EP300: variants seen among roughly 807,000 people sequenced by gnomAD.
EP300 encodes histone acetyltransferase p300.
A neutral mutation model predicts 264.0 loss-of-function variants in EP300; 31 were observed. That is an observed-to-expected ratio of 0.12 (90% CI 0.09 to 0.16). EP300 has a LOEUF of 0.16. Ranked by LOEUF, EP300 falls within the 10% of genes least tolerant of loss-of-function variation. The pLI, the probability that EP300 is intolerant of heterozygous loss-of-function variation, is 1.00. For synonymous variants in EP300, 1,340 were observed against 1,045.4 expected, an observed-to-expected ratio of 1.28 and a Z score of -5.44; for missense variants, 2,766 against 3,052.9, an observed-to-expected ratio of 0.91 and a Z score of 2.21.
chr22:41,116,059 AT>A (rs2145694963), intron 1 of EP300, among the ~76,000 whole-genome samples: 1 of 152,306 alleles, frequency 6.6e-6, no homozygotes, highest in Non-Finnish European at 1.5e-5. Context: ...GAACTTGGGA[AT>A]ATTAATACAG....
rs561569141 is a variant in EP300, at chr22:41,179,288, AT to A, written c.*340del. Reference sequence around the variant, plus strand: ...CCTTGCACCTCCAATAGGTTTTATTATTTTTTTTAAATTAATGAACATATGT... The same window carrying A: ...CCTTGCACCTCCAATAGGTTTTATTATTTTTTTAAATTAATGAACATATGT... On this transcript the variant is annotated 3_prime_UTR_variant, in exon 31 of 31. Coordinates refer to ENST00000263253, the MANE Select transcript of EP300 (RefSeq NM_001429.4). 21 of 301,058 alleles carry A rather than the reference AT, an allele frequency of 7.0e-5. No homozygotes were observed. Among genetic ancestry groups the A allele is most frequent in the East Asian group, 1.5e-4 (3 of 20,080 alleles). 18.6% of individuals were successfully genotyped at this position (301,058 alleles called of 1,614,324 possible).
chr22:41,156,139 G>A (rs1016924736), intron 17 of EP300, among the ~76,000 whole-genome samples: 1 of 151,838 alleles, frequency 6.6e-6, no homozygotes, highest in African/African-American at 2.4e-5. Flanking sequence ...TCAGCCTCCC[G>A]AGTAGCTGGG....
intron 7 of EP300, among the ~76,000 whole-genome samples, chr22:41,136,425 A>G (rs533052552): frequency 2.0e-5 from 3 of 152,238 alleles, no homozygotes; most frequent in African/African-American, 4.8e-5. Context: ...TTACAGCTCC[A>G]TAATAGCCTT....
intron 26 of EP300, 68 bp from the exon 27 acceptor site, chr22:41,170,338 G>A (rs2145766155): frequency 6.7e-7 from 1 of 1,484,150 alleles, no homozygotes; most frequent in Non-Finnish European, 9.4e-7. Context: ...CCAACTTGTG[G>A]TTTAAAATGT....
rs763502729 is a variant in EP300 at position 41,163,434 on chromosome 22, C to CAA, written c.3729-599_3729-598dup. Among the ~76,000 whole-genome samples the CAA allele has an allele frequency of 4.1e-3, 186 of 44,962 alleles. 1 individual carries two copies. Among genetic ancestry groups the CAA allele is most frequent in the East Asian group, 0.02 (38 of 1,944 alleles). 29.5% of individuals were successfully genotyped at this position (44,962 alleles called of 152,430 possible). A position where few individuals can be genotyped will look rare whatever the true frequency, so the allele number is the denominator to read the frequency against. On this transcript the variant is annotated intron_variant, in intron 21 of 30. Coordinates refer to ENST00000263253, the MANE Select transcript of EP300 (RefSeq NM_001429.4). ...TGGGCGACAGAGCGAGACTCCGTCT[C>CAA]AAAAAAAAAAAAAAAAAAAAATTAG...
intron 1 of EP300, among the ~76,000 whole-genome samples, chr22:41,107,003 T>C (rs1302707159): frequency 1.3e-5 from 2 of 152,056 alleles, no homozygotes; most frequent in Admixed American, 1.3e-4. Flanking sequence ...GCCTCCAAGG[T>C]TCGGGTGATT....
At position 41,140,147 on chromosome 22, in the gene EP300, G is replaced by A; in HGVS notation, c.1768G>A (p.Ala590Thr). Residue 590 changes from alanine (A) to threonine (T), a missense_variant, in exon 9 of 31, where the codon GCC becomes ACC. By Grantham distance (58) the Ala-to-Thr change is moderately conservative. Coordinates refer to ENST00000263253, the MANE Select transcript of EP300 (RefSeq NM_001429.4). ...AGGATTTTCTTTTTCCAGCGTCCAA[G>A]CCATATTTCCTACGCCGGATCCTGC... is the stretch of plus-strand genomic sequence containing the variant. ...RNHLVHKLVQ[A>T]IFPTPDPAAL... 6.2e-7 allele frequency: 1 copy of A among 1,613,086 alleles called. No homozygotes were observed. Among genetic ancestry groups the A allele is most frequent in the Non-Finnish European group, 8.5e-7 (1 of 1,179,070 alleles).
intron 25 of EP300, 120 bp downstream of exon 25, chr22:41,168,987 CAA>C: frequency 7.2e-7 from 1 of 1,389,092 alleles, no homozygotes; most frequent in Non-Finnish European, 1.0e-6. Context: ...TGCAAAATCT[CAA>C]GTGTCCAGTA....
chr22:41,122,272 T>G (rs1306358511), intron 2 of EP300, among the ~76,000 whole-genome samples: 3 of 151,510 alleles, frequency 2.0e-5, no homozygotes, highest in Non-Finnish European at 4.4e-5. Flanking sequence ...TTTAAGTGAT[T>G]CTCCTGCCTC....
intron 2 of EP300, among the ~76,000 whole-genome samples, chr22:41,119,172 A>AT (rs796885809): frequency 0.22 from 23,323 of 106,442 alleles, 3,637 homozygotes; most frequent in Non-Finnish European, 0.26. Context: ...CTGGCTTATT[A>AT]TTATTTTTTT....
intron 1 of EP300, among the ~76,000 whole-genome samples, chr22:41,109,253 C>CA (rs71328769): frequency 0.37 from 42,816 of 116,034 alleles, 7,601 homozygotes; most frequent in East Asian, 0.75. Flanking sequence ...GACCCTGTCT[C>CA]AAAAAAAAAA....
rs1601613576 is a variant in EP300 at position 41,141,318 on chromosome 22, C to G, written c.2053+96C>G. The G allele has an allele frequency of 3.6e-6, 5 of 1,372,860 alleles. No individual in the cohort carries two copies. The East Asian group carries it at 1.2e-4, about 32-fold the overall frequency. 85.0% of individuals were successfully genotyped at this position (1,372,860 alleles called of 1,614,324 possible). A position where few individuals can be genotyped will look rare whatever the true frequency, so the allele number is the denominator to read the frequency against. On this transcript the variant is annotated intron_variant, in intron 10 of 30. Coordinates refer to ENST00000263253, the MANE Select transcript of EP300 (RefSeq NM_001429.4). The stretch of plus-strand genomic sequence containing the variant: ...ATTTCTGTAAGCTTGTGTAACTATT[C>G]TAGAGTTTTTTAAATAACCATTTGC...
chr22:41,134,163 C>CTTTTTTTTTTTTTTTTTTTTTTTTTT (rs11362436), intron 6 of EP300, among the ~76,000 whole-genome samples: 3 of 105,630 alleles, frequency 2.8e-5, no homozygotes, highest in African/African-American at 3.8e-5. Flanking sequence ...TCATTCTTTT[C>CTTTTTTTTTTTTTTTTTTTTTTTTTT]TTTTTTTTTT....
rs1569106291 is a variant in EP300, at chr22:41,147,849, T to G, written c.2144T>G (p.Phe715Cys). ...RITPQSGLNQ[F>C]GQMSMAQPPI... is the part of the protein sequence containing the mutation. ...CTCATATTCACAGGTTTGAATCAAT[T>G]TGGCCAGATGAGCATGGCCCAGCCC... Residue 715 changes from phenylalanine (F) to cysteine (C), a missense_variant, in exon 12 of 31, where the codon TTT becomes TGT. Coordinates refer to ENST00000263253, the MANE Select transcript of EP300 (RefSeq NM_001429.4). 6.2e-7 allele frequency: 1 copy of G among 1,613,916 alleles called. No individual in the cohort carries two copies. Among genetic ancestry groups the G allele is most frequent in the Non-Finnish European group, 8.5e-7 (1 of 1,179,764 alleles).
At chr22:41,135,676 A>G (rs528913114) in intron 6 of EP300, 137 bp from the exon 7 acceptor site, 108 of 685,532 alleles carry the variant, frequency 1.6e-4, no homozygotes, top group East Asian at 2.2e-4. Context: ...ATGTGTTGCC[A>G]GTTATATTGT....
chr22:41,139,110 C>T (rs1415767466), intron 8 of EP300, among the ~76,000 whole-genome samples: 6 of 152,094 alleles, frequency 3.9e-5, no homozygotes, highest in Non-Finnish European at 7.4e-5. Context: ...TTTGCCACCA[C>T]ACCTGGCTGA....
intron 2 of EP300, 62 bp from the exon 3 acceptor site, chr22:41,125,802 A>C (rs2058878599): frequency 5.9e-6 from 9 of 1,536,092 alleles, no homozygotes; most frequent in Non-Finnish European, 8.1e-6. Context: ...GAAATCAGAA[A>C]AGGAATAATA....
At chr22:41,167,607 T>C (rs1204928040) in intron 23 of EP300, among the ~76,000 whole-genome samples, 2 of 34,194 alleles carry the variant, frequency 5.8e-5, no homozygotes, top group East Asian at 5.5e-3. Flanking sequence ...TATATATATA[T>C]ATATATATAT....
At chr22:41,138,904 C>T (rs772064007) in intron 8 of EP300, among the ~76,000 whole-genome samples, 6 of 151,814 alleles carry the variant, frequency 4.0e-5, no homozygotes, top group Non-Finnish European at 7.4e-5. Flanking sequence ...TTTTTTTCCT[C>T]CCACGAACCC....
Sources: allele counts gnomAD v4.1 joint callset (sites outside exome capture counted in the v4.1 genomes callset), GRCh38; gene constraint gnomAD v4.1.1; transcripts MANE v1.5; gene names NCBI Gene and HGNC (gene_info 2026-07-23, HGNC 2026-07-21).